Variants in WDR1 observed in about 807,000 individuals in gnomAD.
The protein encoded by WDR1 is WD repeat-containing protein 1.
In WDR1, 21 loss-of-function variants were observed where a neutral mutation model predicts 71.9. The observed-to-expected ratio is 0.29, with a 90% CI of 0.21 to 0.42. The LOEUF is 0.42. WDR1 is among the 10% of genes least tolerant of loss of function. The pLI is 1.00. For synonymous variants in WDR1, 424 were observed against 347.4 expected (o/e 1.22, Z -2.45); for missense variants, 696 against 824.5 (o/e 0.84, Z 1.91).
At chr4:10,081,266 G>A (rs889670274) in intron 11 of WDR1, 91 bp downstream of exon 11, 127 of 1,271,586 alleles carry the variant, frequency 1.0e-4, no homozygotes, top group Middle Eastern at 2.0e-4. Flanking sequence ...ACACTGGCTA[G>A]AGCAACTGTC....
At chr4:10,110,783 G>A (rs1713301428) in intron 2 of WDR1, among the ~76,000 whole-genome samples, 1 of 152,204 alleles carries the variant, frequency 6.6e-6, no homozygotes, top group East Asian at 1.9e-4. Context: ...ACAGTTCTTT[G>A]TGGAAGGACG....
intron 10 of WDR1, 31 bp downstream of exon 10, chr4:10,082,991 C>T: frequency 6.3e-7 from 1 of 1,587,418 alleles, no homozygotes; most frequent in East Asian, 2.3e-5. Context: ...TGAGGCTCAT[C>T]CGGAACCCCC....
Position 10,111,806 on chromosome 4 carries a change from C to A in WDR1, c.138+4307G>T, listed in dbSNP as rs144457072. Among the ~76,000 whole-genome samples, 29 of 144,620 alleles carry A rather than the reference C, an allele frequency of 2.0e-4. No individual in the cohort carries two copies. In the South Asian group the frequency reaches 4.6e-3, roughly 23 times the overall value. The allele number at this position is 144,620 out of a possible 152,430, so 94.9% of individuals were successfully genotyped here. On this transcript the variant is annotated intron_variant, in intron 2 of 14. Transcript: ENST00000499869. ...GAGCCCAATACCCTCCCCAACCCCC[C>A]ACTTGGTCTGCCCCCTGTTCAAGGA...
chr4:10,116,082 C>T, intron 2 of WDR1, 31 bp downstream of exon 2: 11 of 1,603,682 alleles, frequency 6.9e-6, no homozygotes, highest in Non-Finnish European at 9.4e-6. Context: ...GGCTCCGGAG[C>T]AGAACCGCGC....
chr4:10,076,426 G>A (rs1764800233), intron 14 of WDR1: 1 of 152,264 alleles, frequency 6.6e-6, no homozygotes, highest in South Asian at 2.1e-4. Context: ...TCACAGTGAA[G>A]ACACAGACCC....
intron 5 of WDR1, among the ~76,000 whole-genome samples, chr4:10,089,021 A>C (rs890033026): frequency 1.3e-5 from 2 of 152,042 alleles, no homozygotes; most frequent in East Asian, 3.9e-4. Context: ...CCCCCCAGTG[A>C]GGTGCCCCCA....
chr4:10,089,009 C>G (rs1711789108), intron 5 of WDR1, among the ~76,000 whole-genome samples: 3 of 151,340 alleles, frequency 2.0e-5, no homozygotes, highest in Admixed American at 2.0e-4. Flanking sequence ...TCCAGTTATG[C>G]CCCCCCCAGT....
At chr4:10,089,524 G>T (rs1164799206) in intron 5 of WDR1, among the ~76,000 whole-genome samples, 1 of 152,234 alleles carries the variant, frequency 6.6e-6, no homozygotes, top group Non-Finnish European at 1.5e-5. Context: ...ATAAGGAAAT[G>T]AATGCATTCT....
rs1258988791 is a variant in WDR1, at chr4:10,116,657, C to G, written c.10G>C (p.Glu4Gln). MPY[E>Q]IKKVFASLPQ... ...CCCGCGCCGCGGCACTTACTGATCT[C>G]GTACGGCATCCTCGCCCACTTGTTA... The change falls in exon 1 of 15, where the codon GAG becomes CAG. Residue 4 changes from glutamate (E) to glutamine (Q), a missense_variant. Transcript: ENST00000499869. 4.5e-6 allele frequency: 6 copies of G among 1,341,852 alleles called. No individual in the cohort carries two copies. The highest frequency in any genetic ancestry group is 1.8e-5 in the South Asian group (1 of 55,670). 83.1% of individuals were successfully genotyped at this position (1,341,852 alleles called of 1,614,324 possible).
chr4:10,100,866 A>G (rs1712641816), intron 3 of WDR1, among the ~76,000 whole-genome samples: 1 of 152,258 alleles, frequency 6.6e-6, no homozygotes, highest in Non-Finnish European at 1.5e-5. Flanking sequence ...ACTCAGGAGC[A>G]TACATATCCA....
intron 2 of WDR1, among the ~76,000 whole-genome samples, chr4:10,114,536 C>A (rs900561693): frequency 6.6e-6 from 1 of 152,258 alleles, no homozygotes; most frequent in Non-Finnish European, 1.5e-5. Flanking sequence ...TCAATGTGGA[C>A]TGCAACGACA....
chr4:10,112,474 G>A (rs1182628649), intron 2 of WDR1, among the ~76,000 whole-genome samples: 4 of 152,142 alleles, frequency 2.6e-5, no homozygotes, highest in African/African-American at 9.7e-5. Context: ...CTACAGAGGA[G>A]AGTTGCCTCT....
At chr4:10,088,139 C>A (rs2241480) in intron 7 of WDR1, 154 bp downstream of exon 7, 7 of 901,578 alleles carry the variant, frequency 7.8e-6, no homozygotes, top group African/African-American at 5.0e-5. Flanking sequence ...CACCTTATTG[C>A]GACCTTAAAG....
rs77687333 is a variant in WDR1, at chr4:10,081,375, C to T, written c.1266G>A (p.Val422=). The T allele has an allele frequency of 7.6e-4, 1,233 of 1,613,942 alleles. 11 individuals carry two copies. The African/African-American group carries it at 0.015, about 19-fold the overall frequency. Residue 422 remains valine, a synonymous_variant, in exon 11 of 15, where the codon GTG becomes GTA. Transcript: ENST00000499869. ...TCCCTACCTGTCCAATGCACACGAC[C>T]ACGGCGTATCCCCCGGGGCCGACGG... The part of the protein sequence containing the change: ...CVAVGPGGYA[V]VVCIGQIVLL...
chr4:10,105,940 G>T (rs903434632), intron 2 of WDR1, among the ~76,000 whole-genome samples: 1 of 152,232 alleles, frequency 6.6e-6, no homozygotes, highest in East Asian at 1.9e-4. Context: ...AAGGAACAAA[G>T]TGCAAATGCA....
Position 10,116,631 on chromosome 4 carries a change from C to G in WDR1, c.16+20G>C. On this transcript the variant is annotated intron_variant, in intron 1 of 14. Transcript: ENST00000499869. ...GGGCAGCGCGGCGGCCGCTCGGGGGCCCCGCGCCGCGGCACTTACTGATCT... is the reference window on the plus strand; with the variant it reads ...GGGCAGCGCGGCGGCCGCTCGGGGGGCCCGCGCCGCGGCACTTACTGATCT... The G allele has an allele frequency of 8.0e-7, 1 of 1,242,396 alleles. No homozygotes were observed. The highest frequency in any genetic ancestry group is 1.0e-6 in the Non-Finnish European group (1 of 990,050). 77.0% of individuals were successfully genotyped at this position (1,242,396 alleles called of 1,614,324 possible).
rs377040345 is a variant in WDR1, at chr4:10,097,744, C to T, written c.525G>A (p.Glu175=). 2.2e-5 allele frequency: 35 copies of T among 1,610,786 alleles called. No individual in the cohort carries two copies. The highest frequency in any genetic ancestry group is 3.4e-5 in the Admixed American group (2 of 59,440). The change falls in exon 5 of 15, where the codon GAG becomes GAA. Residue 175 remains glutamate, a synonymous_variant. Transcript: ENST00000499869. The stretch of plus-strand genomic sequence containing the variant: ...TGAACTTGAACTTGAATGGGGGTCC[C>T]TCAAAGAATGCCGCGCAGTTATCAT... ...GSDDNCAAFF[E]GPPFKFKFTI...
At chr4:10,114,719 T>A (rs1266602345) in intron 2 of WDR1, among the ~76,000 whole-genome samples, 1 of 152,232 alleles carries the variant, frequency 6.6e-6, no homozygotes, top group Non-Finnish European at 1.5e-5. Context: ...TACCATTAGA[T>A]CCCTGGTGAT....
chr4:10,077,924 G>A lies in WDR1; in HGVS notation c.1398C>T (p.Asp466=), dbSNP rs201075123. The change falls in exon 13 of 15, where the codon GAC becomes GAT. Residue 466 remains aspartate (D), a splice_region_variant and synonymous_variant. Coordinates refer to ENST00000499869, the MANE Select transcript of WDR1 (RefSeq NM_017491.5). ...GGATGGAATACAGGCGGACGTTGCC[G>A]TCCTACGGCAGGGACAGAGAGGAAG... ...GGDTVAIGGV[D]GNVRLYSILG... The A allele has an allele frequency of 4.1e-5, 66 of 1,602,594 alleles. No homozygotes were observed. The African/African-American group carries it at 4.9e-4, about 12-fold the overall frequency.
Sources: allele counts gnomAD v4.1 joint callset (sites outside exome capture counted in the v4.1 genomes callset), GRCh38; gene constraint gnomAD v4.1.1; transcripts MANE v1.5; gene names NCBI Gene and HGNC (gene_info 2026-07-23, HGNC 2026-07-21).